The following CIZ1 variants were observed in gnomAD, a reference collection of about 807,000 sequenced individuals.
CIZ1 encodes the protein cip1-interacting zinc finger protein.
CIZ1 carries 58 observed loss-of-function variants against 118.6 expected under a neutral mutation model. The observed-to-expected ratio is 0.49, with a 90% CI of 0.40 to 0.61. The LOEUF (loss-of-function observed/expected upper bound fraction) is 0.61, where lower values mean the gene tolerates loss of function less well. Among genes scored for constraint, CIZ1 ranks in the 20% least tolerant of loss-of-function variants. CIZ1 has a pLI of 0.00. For synonymous variants in CIZ1, 448 were observed against 443.4 expected, an observed-to-expected ratio of 1.01 and a Z score of -0.13; for missense variants, 921 against 1,115.9, an observed-to-expected ratio of 0.83 and a Z score of 2.49.
Position 128,166,574 on chromosome 9 carries a change from C to T in CIZ1, c.2488-168G>A. 3.2e-6 allele frequency: 3 copies of T among 944,000 alleles called. No individual in the cohort carries two copies. The South Asian group carries it at 5.0e-5, about 16-fold the overall frequency. The allele number at this position is 944,000 out of a possible 1,614,324, so 58.5% of individuals were successfully genotyped here. ...TCTCTGGAGCTAACAGCCTGGCACT[C>T]AGCATCCCCTTGAACAATAAGAGCC... is the stretch of plus-strand genomic sequence containing the variant. On this transcript the variant is annotated intron_variant, in intron 16 of 16. Coordinates refer to ENST00000372938, the MANE Select transcript of CIZ1 (RefSeq NM_001131016.2). This position sits in a 1 kb window ranked among gnomAD's most constrained non-coding sequence, Gnocchi z 4.4.
chr9:128,180,475 G>C lies in CIZ1; in HGVS notation c.731C>G (p.Thr244Ser). The C allele has an allele frequency of 6.2e-7, 1 of 1,614,166 alleles. No individual in the cohort carries two copies. The highest frequency in any genetic ancestry group is 8.5e-7 in the Non-Finnish European group (1 of 1,180,028). The change falls in exon 7 of 17, where the codon ACT (threonine) becomes AGT (serine). Residue 244 changes from threonine to serine, a missense_variant. Thr to Ser is a moderately conservative substitution (Grantham distance 58). Coordinates refer to ENST00000372938, the MANE Select transcript of CIZ1 (RefSeq NM_001131016.2). ...CPEDIAKEKRTPAPEPEPCEA... is the reference protein window; with the variant it reads ...CPEDIAKEKRSPAPEPEPCEA... ...ACAAGGCTCAGGCTCAGGTGCTGGA[G>C]TGCGTTTTTCCTTGGCGATGTCCTC...
intron 7 of CIZ1, among the ~76,000 whole-genome samples, chr9:128,179,835 G>A (rs1831350936): frequency 6.6e-6 from 1 of 151,974 alleles, no homozygotes; most frequent in Admixed American, 6.6e-5. Flanking sequence ...ACCACACCCA[G>A]CTAATTTTGT....
upstream of CIZ1, chr9:128,191,912 A>AG: frequency 7.0e-7 from 1 of 1,438,006 alleles, no homozygotes; most frequent in East Asian, 2.9e-5. The surrounding 1 kb of genome is among the most constrained non-coding windows in gnomAD (Gnocchi z 5.5). Flanking sequence ...CTGCGGTGAG[A>AG]GGGGGCGCGC....
intron 10 of CIZ1, 131 bp downstream of exon 10, chr9:128,177,435 G>T: frequency 1.6e-6 from 1 of 634,722 alleles, no homozygotes; most frequent in Non-Finnish European, 2.5e-6. Flanking sequence ...GGCAGGTCAG[G>T]AAATGTTTCC....
At chr9:128,193,305 C>T (rs896387031), upstream of CIZ1, among the ~76,000 whole-genome samples, 4 of 152,108 alleles carry the variant, frequency 2.6e-5, no homozygotes, top group African/African-American at 7.2e-5. Context: ...GTAGGGAGCA[C>T]TGGAGAAGGG....
chr9:128,181,732 A>G (rs1370950571), intron 5 of CIZ1, among the ~76,000 whole-genome samples: 1 of 146,138 alleles, frequency 6.8e-6, no homozygotes, highest in Non-Finnish European at 1.5e-5. Flanking sequence ...GCGTCAAGGA[A>G]CAACACCCGC....
chr9:128,186,149 C>T (rs1173966904), intron 4 of CIZ1, among the ~76,000 whole-genome samples: 4 of 152,064 alleles, frequency 2.6e-5, no homozygotes, highest in African/African-American at 9.7e-5. Context: ...ACACCCACCC[C>T]CACCCCTACC....
rs1829803513 is a variant in CIZ1, at chr9:128,169,091, A to G, written c.2256T>C (p.Asp752=). Residue 752 remains aspartate (D), a synonymous_variant, in exon 14 of 17, where the codon GAT becomes GAC. Transcript: ENST00000372938. ...CCTCCTCAACCTCGATCTCTTCTTC[A>G]TCCTCATCATCCTCTTCCTCTTCTT... The part of the protein sequence containing the change: ...GDEEEEEDDE[D]EEEIEVEEEL... 1 of 1,613,844 alleles carries G rather than the reference A, an allele frequency of 6.2e-7. No individual in the cohort carries two copies. The highest frequency in any genetic ancestry group is 1.1e-5 in the South Asian group (1 of 91,062).
upstream of CIZ1, among the ~76,000 whole-genome samples, chr9:128,195,694 T>G (rs1437408088): frequency 6.6e-6 from 1 of 152,208 alleles, no homozygotes; most frequent in Non-Finnish European, 1.5e-5. Context: ...CTCATGATGA[T>G]GTCACATACT....
At position 128,177,731 on chromosome 9, in the gene CIZ1, G is replaced by C; in HGVS notation, c.1653C>G (p.Thr551=). 6.2e-7 allele frequency: 1 copy of C among 1,606,492 alleles called. No individual in the cohort carries two copies. The highest frequency in any genetic ancestry group is 8.5e-7 in the Non-Finnish European group (1 of 1,176,674). The change falls in exon 10 of 17, where the codon ACC becomes ACG. Residue 551 remains threonine, a synonymous_variant. Transcript: ENST00000372938. ...VWGAGGSLKV[T]ILQSSDSRAF... Reference sequence around the variant, plus strand: ...CCCGGCTGTCACTGCTCTGCAGAATGGTGACCTTCAGGGAGCCCCCGGCGC... The same window carrying C: ...CCCGGCTGTCACTGCTCTGCAGAATCGTGACCTTCAGGGAGCCCCCGGCGC...
At chr9:128,177,512 T>A (rs1831010085) in intron 10 of CIZ1, 54 bp downstream of exon 10, 3 of 1,241,914 alleles carry the variant, frequency 2.4e-6, no homozygotes, top group Non-Finnish European at 3.2e-6. Context: ...GAGGGCAGGC[T>A]GGGCATTCCA....
intron 1 of CIZ1, chr9:128,197,799 G>C (rs1011114672): frequency 3.9e-5 from 6 of 152,236 alleles, no homozygotes; most frequent in African/African-American, 1.4e-4. Flanking sequence ...TAGCTCTCAT[G>C]ATTCACAGTT....
At chr9:128,190,516 C>A in intron 2 of CIZ1, 72 bp from the exon 3 acceptor site, 2 of 1,380,156 alleles carry the variant, frequency 1.4e-6, no homozygotes, top group Non-Finnish European at 2.0e-6. Context: ...AGGCTTCTCA[C>A]CTCCATTCTC....
chr9:128,194,219 G>A (rs1479355652), upstream of CIZ1, among the ~76,000 whole-genome samples: 2 of 151,346 alleles, frequency 1.3e-5, no homozygotes, highest in Non-Finnish European at 2.9e-5. Flanking sequence ...AAAATTAGCC[G>A]GGCATGGTGG....
chr9:128,169,887 A>G (rs1829921129), intron 12 of CIZ1, 133 bp downstream of exon 12: 13 of 1,008,574 alleles, frequency 1.3e-5, no homozygotes, highest in Non-Finnish European at 1.9e-5. Flanking sequence ...TGACTCCTCC[A>G]GAAACTGCAT....
At position 128,169,668 on chromosome 9, in the gene CIZ1, G is replaced by A. The variant is rs559152606; in HGVS notation, c.2032-149C>T. ...CTGTGCTCCACCCCTGCACTGGAAC[G>A]TGGGCAAACACATCTCTTCGTGGTG... On this transcript the variant is annotated intron_variant, in intron 12 of 16. Transcript: ENST00000372938. 32 of 1,538,946 alleles carry A rather than the reference G, an allele frequency of 2.1e-5. No homozygotes were observed. In the East Asian group the frequency reaches 5.1e-4, roughly 25 times the overall value.
chr9:128,181,599 A>G (rs938271823), intron 5 of CIZ1, among the ~76,000 whole-genome samples: 4 of 152,248 alleles, frequency 2.6e-5, no homozygotes, highest in Non-Finnish European at 5.9e-5. Flanking sequence ...ACCAGAAGAC[A>G]AGAGCGTGAG....
At chr9:128,199,384 C>G (rs1833455384) in intron 1 of CIZ1, among the ~76,000 whole-genome samples, 1 of 151,620 alleles carries the variant, frequency 6.6e-6, no homozygotes, top group African/African-American at 2.4e-5. Flanking sequence ...AAAAATTCTG[C>G]CCAGCACAGT....
upstream of CIZ1, among the ~76,000 whole-genome samples, chr9:128,194,233 A>T (rs1833319267): frequency 6.6e-6 from 1 of 151,268 alleles, no homozygotes. Flanking sequence ...ATGGTGGCAG[A>T]CGCCTGTCAT....
Sources: gnomAD v4.1 joint callset for allele counts (sites outside exome capture counted in the v4.1 genomes callset) on GRCh38, gnomAD v4.1.1 for gene constraint, Gnocchi (gnomAD v3.1) non-coding constraint, MANE v1.5 for transcripts, NCBI Gene and HGNC (gene_info 2026-07-23, HGNC 2026-07-21) for gene names.